CP: variants seen among roughly 807,000 people sequenced by gnomAD.
The protein encoded by CP is caeruloplasmin.
In CP, 64 loss-of-function variants were observed where a neutral mutation model predicts 122.4. The ratio of observed to expected loss-of-function variants is 0.52; its 90% CI spans 0.43 to 0.64. CP has a LOEUF of 0.64. CP is among the 30% of genes least tolerant of loss of function. The probability of loss-of-function intolerance (pLI) is 0.00; values close to 1 mark genes in which losing one functional copy is unlikely to be tolerated. For missense variants in CP, 1,167 were observed against 1,284.4 expected (o/e 0.91, Z 1.40); for synonymous variants, 440 against 436.4 (o/e 1.01, Z -0.10).
chr3:149,172,472 AT>A (rs1725101544), downstream of CP: 1 of 361,368 alleles, frequency 2.8e-6, no homozygotes, highest in African/African-American at 2.1e-5. Flanking sequence ...TCTTTAAGAC[AT>A]AAGAATTCCT....
chr3:149,184,268 C>G (rs1225929545), intron 12 of CP, among the ~76,000 whole-genome samples: 1 of 152,028 alleles, frequency 6.6e-6, no homozygotes, highest in East Asian at 1.9e-4. Context: ...ATCCCCTGAC[C>G]TCGTGATCCG....
At position 149,186,699 on chromosome 3, in the gene CP, C is replaced by G. The variant is rs760756752; in HGVS notation, c.1898G>C (p.Gly633Ala). Reference sequence around the variant, plus strand: ...CGAATCTCCTTTGCACATAGTGAGACCCGGCTGATTCCCATACATGAATCC... The same window carrying G: ...CGAATCTCCTTTGCACATAGTGAGAGCCGGCTGATTCCCATACATGAATCC... The part of the protein sequence containing the change: ...MNGFMYGNQP[G>A]LTMCKGDSVV... Residue 633 changes from glycine (G) to alanine (A), a missense_variant, in exon 11 of 19, where the codon GGT becomes GCT. Gly to Ala is a moderately conservative substitution (Grantham distance 60, BLOSUM62 0). Coordinates refer to ENST00000264613, the MANE Select transcript of CP (RefSeq NM_000096.4). 1 of 1,614,130 alleles carries G rather than the reference C, an allele frequency of 6.2e-7. No individual in the cohort carries two copies. Among genetic ancestry groups the G allele is most frequent in the Admixed American group, 1.7e-5 (1 of 60,028 alleles).
intron 9 of CP, among the ~76,000 whole-genome samples, chr3:149,194,708 A>T (rs1278329895): frequency 6.6e-6 from 1 of 152,234 alleles, no homozygotes; most frequent in Non-Finnish European, 1.5e-5. Flanking sequence ...ATACGTTCTT[A>T]TGTAGGATGA....
downstream of CP, among the ~76,000 whole-genome samples, chr3:149,171,698 C>CTTTTTTTTTT (rs1170000443): frequency 5.1e-5 from 6 of 118,254 alleles, no homozygotes; most frequent in African/African-American, 1.6e-4. Flanking sequence ...GAACTGGCTT[C>CTTTTTTTTTT]TTTTTTTTTT....
intron 9 of CP, among the ~76,000 whole-genome samples, chr3:149,197,471 C>T (rs1451313577): frequency 1.3e-5 from 2 of 151,596 alleles, no homozygotes; most frequent in African/African-American, 2.4e-5. Context: ...AAATTATGTA[C>T]TCCCTGACAG....
chr3:149,199,794 G>C lies in CP; in HGVS notation c.1419C>G (p.Leu473=). ...VTFHNKGAYP[L]SIEPIGVRFN... ...ATCTCACCCCAATCGGCTCAATACT[G>C]AGGGGATATGCTCCTTTGTTATGGA... Residue 473 remains leucine, a synonymous_variant, in exon 8 of 19, where the codon CTC becomes CTG. Transcript: ENST00000264613. The C allele has an allele frequency of 6.2e-7, 1 of 1,614,144 alleles. No homozygotes were observed. The highest frequency in any genetic ancestry group is 1.1e-5 in the South Asian group (1 of 91,078).
At chr3:149,196,965 C>T (rs917253424) in intron 9 of CP, among the ~76,000 whole-genome samples, 27 of 152,276 alleles carry the variant, frequency 1.8e-4, no homozygotes, top group African/African-American at 6.0e-4. Flanking sequence ...ATGTAAATGG[C>T]CGGTCTTTGC....
intron 5 of CP, 36 bp from the exon 6 acceptor site, chr3:149,206,375 G>T: frequency 1.2e-6 from 2 of 1,611,920 alleles, no homozygotes; most frequent in South Asian, 2.2e-5. Flanking sequence ...GATTAATGAA[G>T]ACAATGTTTC....
In CP at chr3:149,179,506, TTG is replaced by T. The variant is rs145943872; in HGVS notation, c.2661+48_2661+49del. ...AAACACTAACCTTGTCTTCCTTCAATTGTGTGTCTATTTTGGGAAGTGTCACA... is the reference window on the plus strand; with the variant it reads ...AAACACTAACCTTGTCTTCCTTCAATTGTGTCTATTTTGGGAAGTGTCACA... On this transcript the variant is annotated intron_variant, in intron 15 of 18. Transcript: ENST00000264613. 1,603 of 1,332,194 alleles carry T rather than the reference TTG, an allele frequency of 1.2e-3. 20 individuals carry two copies. In the African/African-American group the frequency reaches 0.021, roughly 18 times the overall value. The allele number at this position is 1,332,194 out of a possible 1,614,324, so 82.5% of individuals were successfully genotyped here.
intron 1 of CP, among the ~76,000 whole-genome samples, chr3:149,214,111 C>T (rs1230684444): frequency 2.6e-5 from 4 of 152,074 alleles, no homozygotes; most frequent in African/African-American, 9.7e-5. Flanking sequence ...TGAAGAGGCT[C>T]TAAGGTTGAA....
chr3:149,184,040 T>C (rs1331540871), intron 12 of CP, among the ~76,000 whole-genome samples: 1 of 127,730 alleles, frequency 7.8e-6, no homozygotes, highest in Non-Finnish European at 1.7e-5. Context: ...TTTTTTTTTT[T>C]TTTTTTTTTT....
intron 9 of CP, among the ~76,000 whole-genome samples, chr3:149,189,378 C>CTAA (rs1726391934): frequency 2.0e-5 from 3 of 151,880 alleles, no homozygotes; most frequent in African/African-American, 7.3e-5. Flanking sequence ...ATGTGAAACC[C>CTAA]CGTCTCTACT....
In CP at chr3:149,181,987, C is replaced by CGGGGGGGGGGGGGG; in HGVS notation, c.2554+17_2554+18insCCCCCCCCCCCCCC. 1 of 610,076 alleles carries CGGGGGGGGGGGGGG rather than the reference C, an allele frequency of 1.6e-6. No homozygotes were observed. Among genetic ancestry groups the CGGGGGGGGGGGGGG allele is most frequent in the Non-Finnish European group, 3.0e-6 (1 of 338,226 alleles). The allele number at this position is 610,076 out of a possible 1,614,324, so 37.8% of individuals were successfully genotyped here. A position where few individuals can be genotyped will look rare whatever the true frequency, so the allele number is the denominator to read the frequency against. ...GCCTGTTAAAATGCACCACCCCCACCCCCGCCCCCGTGAGTACCTGGTAAT... is the reference window on the plus strand; with the variant it reads ...GCCTGTTAAAATGCACCACCCCCACCGGGGGGGGGGGGGGCCCGCCCCCGTGAGTACCTGGTAAT... On this transcript the variant is annotated intron_variant, in intron 14 of 18. Coordinates refer to ENST00000264613, the MANE Select transcript of CP (RefSeq NM_000096.4).
At chr3:149,174,281 T>G (rs1433311181) in intron 18 of CP, among the ~76,000 whole-genome samples, 1 of 152,220 alleles carries the variant, frequency 6.6e-6, no homozygotes, top group Non-Finnish European at 1.5e-5. Flanking sequence ...TGATTAGGAT[T>G]ATTAGCGAAA....
chr3:149,210,042 TAC>T, intron 3 of CP, 123 bp downstream of exon 3: 3 of 877,698 alleles, frequency 3.4e-6, no homozygotes, highest in Admixed American at 4.4e-5. Flanking sequence ...CCTTTTTTTC[TAC>T]TTACCACCTC....
chr3:149,176,194 T>C (rs1388112578), intron 18 of CP, 56 bp downstream of exon 18: 6 of 1,531,374 alleles, frequency 3.9e-6, no homozygotes, highest in African/African-American at 2.7e-5. Context: ...GGCAAAGTAG[T>C]TCCTTTAGTT....
At chr3:149,162,555 T>C (rs2108169569) in exon 6 of CP, 1 of 1,093,002 alleles carries the variant, frequency 9.1e-7, no homozygotes, top group East Asian at 2.4e-5. Flanking sequence ...CTAAATTTGC[T>C]TTTGCCATGG....
At chr3:149,167,551 A>G (rs752547115), downstream of CP, among the ~76,000 whole-genome samples, 1 of 152,172 alleles carries the variant, frequency 6.6e-6, no homozygotes, top group Non-Finnish European at 1.5e-5. Context: ...TTTAGTTTAG[A>G]AATTAGAAGA....
chr3:149,208,577 C>T (rs530217720), intron 4 of CP, among the ~76,000 whole-genome samples: 15 of 152,078 alleles, frequency 9.9e-5, no homozygotes, highest in Admixed American at 7.2e-4. Context: ...AACAAATAAA[C>T]GAAAATATCT....
Sources: allele counts gnomAD v4.1 joint callset (sites outside exome capture counted in the v4.1 genomes callset), GRCh38; gene constraint gnomAD v4.1.1; transcripts MANE v1.5; gene names NCBI Gene and HGNC (gene_info 2026-07-23, HGNC 2026-07-21).